CLASP1: variants seen among roughly 807,000 people sequenced by gnomAD.
The protein encoded by CLASP1 is cytoplasmic linker associated protein 1.
CLASP1 carries 38 observed loss-of-function variants against 192.3 expected under a neutral mutation model. That is an observed-to-expected ratio of 0.20 (90% CI 0.15 to 0.26). CLASP1 has a LOEUF of 0.26. Ranked by LOEUF, CLASP1 falls within the 10% of genes least tolerant of loss-of-function variation. CLASP1 has a pLI of 1.00. For missense variants in CLASP1, 1,433 were observed against 1,932.5 expected, an observed-to-expected ratio of 0.74 and a Z score of 4.85; for synonymous variants, 691 against 712.8, an observed-to-expected ratio of 0.97 and a Z score of 0.49.
chr2:121,486,732 A>C (rs1003122701), intron 8 of CLASP1, among the ~76,000 whole-genome samples: 2 of 152,198 alleles, frequency 1.3e-5, no homozygotes, highest in African/African-American at 4.8e-5. Flanking sequence ...AAGTAATTAC[A>C]CTAAGAGCTA....
chr2:121,584,964 A>G (rs1395727069), intron 2 of CLASP1, among the ~76,000 whole-genome samples: 1 of 152,248 alleles, frequency 6.6e-6, no homozygotes, highest in East Asian at 1.9e-4. Flanking sequence ...TAAAATGATC[A>G]TAAAGCTAAC....
intron 37 of CLASP1, among the ~76,000 whole-genome samples, 190 bp downstream of exon 38, chr2:121,362,982 T>C (rs567506326): frequency 7.9e-5 from 12 of 152,212 alleles, no homozygotes; most frequent in African/African-American, 2.2e-4. Flanking sequence ...ACAAATGGCA[T>C]TGGCCCTGGA....
intron 26 of CLASP1, chr2:121,403,537 G>T: frequency 2.2e-6 from 1 of 456,106 alleles, no homozygotes; most frequent in Non-Finnish European, 4.4e-6. Flanking sequence ...AACTGTAGTT[G>T]ATCCTGCATG....
intron 2 of CLASP1, chr2:121,603,148 T>C (rs1486482513): frequency 1.3e-5 from 2 of 151,300 alleles, no homozygotes; most frequent in East Asian, 3.9e-4. Flanking sequence ...TGATAACTCA[T>C]TACCATTGGA....
intron 1 of CLASP1, among the ~76,000 whole-genome samples, chr2:121,619,081 C>T (rs887022276): frequency 6.6e-6 from 1 of 152,138 alleles, no homozygotes; most frequent in African/African-American, 2.4e-5. Flanking sequence ...ATTCTCTATC[C>T]CTCACTCCAG....
At chr2:121,538,179 C>A (rs149941502) in intron 2 of CLASP1, among the ~76,000 whole-genome samples, 26 of 152,006 alleles carry the variant, frequency 1.7e-4, no homozygotes, top group Admixed American at 5.9e-4. Context: ...TTTGGGAGGC[C>A]AAGGCAGGTG....
intron 25 of CLASP1, among the ~76,000 whole-genome samples, chr2:121,405,955 C>G (rs1247404352): frequency 6.6e-6 from 1 of 152,132 alleles, no homozygotes; most frequent in Non-Finnish European, 1.5e-5. Context: ...CTTACAGAAC[C>G]CAAGAGGGAT....
intron 39 of CLASP1, among the ~76,000 whole-genome samples, chr2:121,342,204 C>T (rs2062865890): frequency 6.6e-6 from 1 of 152,010 alleles, no homozygotes; most frequent in Admixed American, 6.6e-5. Flanking sequence ...TCACTGCAGC[C>T]TTGACCTTCC....
intron 2 of CLASP1, chr2:121,530,745 G>A (rs946985284): frequency 1.1e-5 from 6 of 524,184 alleles, no homozygotes; most frequent in African/African-American, 5.7e-5. Context: ...ACAAAGAATT[G>A]GGGTGTCGTC....
At chr2:121,564,824 A>G (rs192645468) in intron 2 of CLASP1, among the ~76,000 whole-genome samples, 16 of 152,286 alleles carry the variant, frequency 1.1e-4, no homozygotes, top group Admixed American at 9.8e-4. Flanking sequence ...AACCCAGAAT[A>G]TGCTCCAAAG....
At chr2:121,625,426 C>CTTTTTTTTTT (rs1559804182) in intron 1 of CLASP1, among the ~76,000 whole-genome samples, 20 of 128,266 alleles carry the variant, frequency 1.6e-4, no homozygotes, top group African/African-American at 6.2e-4. Context: ...TTCTTTCTTT[C>CTTTTTTTTTT]ATTTTTTTTT....
At chr2:121,596,704 C>T (rs1292103785) in intron 2 of CLASP1, among the ~76,000 whole-genome samples, 2 of 152,214 alleles carry the variant, frequency 1.3e-5, no homozygotes, top group African/African-American at 2.4e-5. Context: ...CTGCAGCTTA[C>T]ACCTTTTGGT....
chr2:121,559,050 A>C (rs1019864944), intron 2 of CLASP1, among the ~76,000 whole-genome samples: 2 of 152,232 alleles, frequency 1.3e-5, no homozygotes, highest in Non-Finnish European at 2.9e-5. Flanking sequence ...TTCACACAGA[A>C]AACTTTTAGA....
intron 7 of CLASP1, among the ~76,000 whole-genome samples, chr2:121,507,512 G>A (rs769638998): frequency 6.6e-6 from 1 of 152,130 alleles, no homozygotes; most frequent in South Asian, 2.1e-4. Flanking sequence ...AAGAAAAGGA[G>A]ATACGGTACT....
At chr2:121,548,684 G>A (rs1016094209) in intron 2 of CLASP1, among the ~76,000 whole-genome samples, 2 of 151,976 alleles carry the variant, frequency 1.3e-5, no homozygotes, top group Non-Finnish European at 2.9e-5. Flanking sequence ...CACCTACAAA[G>A]GGAACCCTGT....
At chr2:121,410,958 G>GCCCAAA in exon 24 of CLASP1, 1 of 1,600,070 alleles carries the variant, frequency 6.2e-7, no homozygotes, top group Middle Eastern at 1.7e-4. Context: ...GGCTGGCCAA[G>GCCCAAA]CCCAAACCGA....
chr2:121,453,704 T>A (rs547374837), intron 14 of CLASP1, among the ~76,000 whole-genome samples: 6 of 152,336 alleles, frequency 3.9e-5, no homozygotes, highest in African/African-American at 1.2e-4. Context: ...TTTTAACCCA[T>A]CTATGAAGCT....
chr2:121,349,523 G>C (rs1215808413), intron 37 of CLASP1, among the ~76,000 whole-genome samples: 1 of 152,176 alleles, frequency 6.6e-6, no homozygotes. Context: ...CCTACAACTG[G>C]AGCATCTGCA....
chr2:121,613,703 G>T (rs1416866262), intron 1 of CLASP1, among the ~76,000 whole-genome samples: 1 of 151,750 alleles, frequency 6.6e-6, no homozygotes, highest in African/African-American at 2.4e-5. Flanking sequence ...CACACTATCA[G>T]TAAAGAACTA....
Sources: gnomAD v4.1 joint callset for allele counts (sites outside exome capture counted in the v4.1 genomes callset) on GRCh38, gnomAD v4.1.1 for gene constraint, MANE v1.5 for transcripts, NCBI Gene and HGNC (gene_info 2026-07-23, HGNC 2026-07-21) for gene names.